Variants in CREB5 observed in about 807,000 individuals in gnomAD.
CREB5 encodes cyclic AMP-responsive element-binding protein 5.
CREB5 carries 19 observed loss-of-function variants against 57.1 expected under a neutral mutation model. The observed-to-expected ratio is 0.33, with a 90% CI of 0.23 to 0.49. CREB5 has a LOEUF of 0.49. Ranked by LOEUF, CREB5 falls within the 20% of genes least tolerant of loss-of-function variation. CREB5 has a pLI of 0.99. For synonymous variants in CREB5, 238 were observed against 238.3 expected, an observed-to-expected ratio of 1.00 and a Z score of 0.01; for missense variants, 579 against 671.6, an observed-to-expected ratio of 0.86 and a Z score of 1.52.
chr7:28,407,058 A>T (rs991292381), intron 1 of CREB5, among the ~76,000 whole-genome samples: 1 of 149,798 alleles, frequency 6.7e-6, no homozygotes, highest in East Asian at 2.0e-4. Context: ...TTTTCCTTTT[A>T]TTTTTTTTGA....
chr7:28,770,994 AATAT>A (rs1806291149), intron 7 of CREB5, among the ~76,000 whole-genome samples: 1 of 152,224 alleles, frequency 6.6e-6, no homozygotes, highest in African/African-American at 2.4e-5. Flanking sequence ...CATGTCACAA[AATAT>A]ATATGATAGC....
chr7:28,551,601 A>G (rs1794644266), intron 4 of CREB5, among the ~76,000 whole-genome samples: 1 of 152,156 alleles, frequency 6.6e-6, no homozygotes, highest in Admixed American at 6.5e-5. Flanking sequence ...CACTGCAGCC[A>G]TCAGCCTGAC....
intron 1 of CREB5, among the ~76,000 whole-genome samples, chr7:28,446,270 T>G (rs1789462745): frequency 6.9e-6 from 1 of 144,258 alleles, no homozygotes; most frequent in Admixed American, 6.9e-5. Context: ...ATACACAAAC[T>G]GGAGCATTTG....
chr7:28,560,839 TGTGTGC>T (rs1226113862), intron 4 of CREB5, among the ~76,000 whole-genome samples: 8 of 96,450 alleles, frequency 8.3e-5, no homozygotes, highest in African/African-American at 2.1e-4. Flanking sequence ...CGCGCGTGTG[TGTGTGC>T]GCGTGTGTGT....
intron 5 of CREB5, among the ~76,000 whole-genome samples, chr7:28,670,134 T>C (rs7785401): frequency 0.021 from 3,243 of 152,324 alleles, 111 homozygotes; most frequent in African/African-American, 0.073. Flanking sequence ...GAACCTGTGA[T>C]CATACCGAAC....
chr7:28,824,701 G>A lies in CREB5; in HGVS notation c.*5422G>A, dbSNP rs1809969350. ...ATTTCTTGTGGAGTTTTTCAGTGAT[G>A]TAATGCTTGTAGCCAAATTGCTTAA... On this transcript the variant is annotated 3_prime_UTR_variant, in exon 11 of 11. Transcript: ENST00000357727. 6.6e-6 allele frequency: 1 copy of A among 152,618 alleles called. No individual in the cohort carries two copies. The highest frequency in any genetic ancestry group is 2.1e-4 in the South Asian group (1 of 4,834). The allele number at this position is 152,618 out of a possible 1,614,324, so 9.5% of individuals were successfully genotyped here.
intron 2 of CREB5, 104 bp downstream of exon 2, chr7:28,488,350 C>T (rs913673498): frequency 1.1e-6 from 1 of 924,048 alleles, no homozygotes. Flanking sequence ...TCCTTCTTTA[C>T]CAAGACACCA....
intron 4 of CREB5, among the ~76,000 whole-genome samples, chr7:28,545,708 A>G (rs750203336): frequency 6.6e-6 from 1 of 152,190 alleles, no homozygotes; most frequent in Non-Finnish European, 1.5e-5. Context: ...CAGATCAGAG[A>G]TCATTGTCAT....
chr7:28,439,797 C>T (rs1294195527), intron 1 of CREB5, among the ~76,000 whole-genome samples: 1 of 152,200 alleles, frequency 6.6e-6, no homozygotes, highest in Non-Finnish European at 1.5e-5. Flanking sequence ...CTTTCTAAGG[C>T]ATCCTTGCAA....
intron 1 of CREB5, among the ~76,000 whole-genome samples, chr7:28,358,968 T>C (rs962594657): frequency 2.6e-5 from 4 of 152,238 alleles, no homozygotes; most frequent in African/African-American, 9.6e-5. Context: ...CTTCTTTCTT[T>C]TCCCCTCTCC....
At chr7:28,401,300 T>C (rs1787457001) in intron 1 of CREB5, among the ~76,000 whole-genome samples, 1 of 152,094 alleles carries the variant, frequency 6.6e-6, no homozygotes, top group Non-Finnish European at 1.5e-5. Flanking sequence ...TAATTCCCTA[T>C]AGAACCAGGT....
At chr7:28,670,168 T>C (rs2128718565) in intron 5 of CREB5, among the ~76,000 whole-genome samples, 1 of 152,316 alleles carries the variant, frequency 6.6e-6, no homozygotes, top group African/African-American at 2.4e-5. Context: ...CTTTTTCCTA[T>C]CCGTGCATAC....
At chr7:28,427,016 T>TTA (rs1243204766) in intron 1 of CREB5, among the ~76,000 whole-genome samples, 1 of 152,202 alleles carries the variant, frequency 6.6e-6, no homozygotes, top group African/African-American at 2.4e-5. Flanking sequence ...GGAAGATTTT[T>TTA]TAGGTATACG....
chr7:28,420,240 A>G (rs1788187903), intron 1 of CREB5, among the ~76,000 whole-genome samples: 1 of 152,074 alleles, frequency 6.6e-6, no homozygotes. Context: ...GTTCATTTTT[A>G]TCCTTTCCAG....
At chr7:28,763,757 C>T (rs1805792755) in intron 7 of CREB5, among the ~76,000 whole-genome samples, 1 of 151,788 alleles carries the variant, frequency 6.6e-6, no homozygotes, top group Non-Finnish European at 1.5e-5. Context: ...TGTTCTTATT[C>T]ATGAGATTTG....
intron 4 of CREB5, among the ~76,000 whole-genome samples, chr7:28,541,259 T>C (rs1220253048): frequency 6.6e-6 from 1 of 152,174 alleles, no homozygotes; most frequent in East Asian, 1.9e-4. Flanking sequence ...GGTCTTTACG[T>C]TCTTGCTCTA....
chr7:28,572,623 C>A (rs897815787), intron 5 of CREB5, among the ~76,000 whole-genome samples: 3 of 152,194 alleles, frequency 2.0e-5, no homozygotes, highest in Admixed American at 6.5e-5. Flanking sequence ...TGCCACCCCC[C>A]ACCAACTACC....
intron 5 of CREB5, among the ~76,000 whole-genome samples, chr7:28,685,169 AGCCTG>A (rs1800804812): frequency 6.6e-6 from 1 of 152,182 alleles, no homozygotes; most frequent in South Asian, 2.1e-4. Flanking sequence ...GTGGGGGCAC[AGCCTG>A]TCTTTCATTT....
intron 1 of CREB5, among the ~76,000 whole-genome samples, chr7:28,367,906 C>T (rs1326936976): frequency 6.6e-6 from 1 of 152,164 alleles, no homozygotes; most frequent in African/African-American, 2.4e-5. Flanking sequence ...ACCTTCCCTG[C>T]TCCCTCCCTA....
Sources: gnomAD v4.1 joint callset for allele counts (sites outside exome capture counted in the v4.1 genomes callset) on GRCh38, gnomAD v4.1.1 for gene constraint, MANE v1.5 for transcripts, NCBI Gene and HGNC (gene_info 2026-07-23, HGNC 2026-07-21) for gene names.